ITSN2: variants seen among roughly 807,000 people sequenced by gnomAD.
ITSN2 encodes intersectin-2.
A neutral mutation model predicts 243.7 loss-of-function variants in ITSN2; 156 were observed. The ratio of observed to expected loss-of-function variants is 0.64; its 90% CI spans 0.56 to 0.73. The LOEUF (loss-of-function observed/expected upper bound fraction) is 0.73. ITSN2 is among the 30% of genes least tolerant of loss of function. The probability of loss-of-function intolerance (pLI) is 0.00; values close to 1 mark genes in which losing one functional copy is unlikely to be tolerated. For missense variants in ITSN2, 1,801 were observed against 1,996.1 expected (o/e 0.90, Z 1.86); for synonymous variants, 703 against 699.9 (o/e 1.00, Z -0.07).
chr2:24,358,201 A>AC (rs914915066), intron 1 of ITSN2, among the ~76,000 whole-genome samples: 1 of 152,168 alleles, frequency 6.6e-6, no homozygotes, highest in Admixed American at 6.6e-5. Context: ...GAGCCAGGGC[A>AC]CCCGGCACAT....
chr2:24,331,004 T>A (rs899777084), intron 1 of ITSN2, among the ~76,000 whole-genome samples: 1 of 151,510 alleles, frequency 6.6e-6, no homozygotes, highest in African/African-American at 2.4e-5. Context: ...TGACCTCAGG[T>A]GATCCACCTG....
chr2:24,270,688 A>C lies in ITSN2; in HGVS notation c.2338T>G (p.Ser780Ala). The C allele has an allele frequency of 6.3e-7, 1 of 1,578,426 alleles. No homozygotes were observed. Among genetic ancestry groups the C allele is most frequent in the Non-Finnish European group, 8.7e-7 (1 of 1,150,372 alleles). Residue 780 changes from serine to alanine, a missense_variant, in exon 20 of 40, where the codon TCT (serine) becomes GCT (alanine). Ser to Ala is a moderately conservative substitution (Grantham distance 99). Coordinates refer to ENST00000355123, the MANE Select transcript of ITSN2 (RefSeq NM_006277.3). The stretch of plus-strand genomic sequence containing the variant: ...TTTCCTACCTGAATTATATCTCCAG[A>C]ATTAAAACTCATCTCATCATGGTTC... ...ARNHDEMSFN[S>A]GDIIQVDEKT...
Position 24,313,452 on chromosome 2 carries a change from C to T in ITSN2, c.188+8G>A. On this transcript the variant is annotated splice_region_variant and intron_variant, in intron 4 of 39. Coordinates refer to ENST00000355123, the MANE Select transcript of ITSN2 (RefSeq NM_006277.3). ...CAGAAAATTAGGTTCATCTACAAAA[C>T]ACTTTACCATATTTCAGCTAAAACA... is the stretch of plus-strand genomic sequence containing the variant. 1.2e-6 allele frequency: 2 copies of T among 1,607,374 alleles called. No individual in the cohort carries two copies. The highest frequency in any genetic ancestry group is 1.7e-6 in the Non-Finnish European group (2 of 1,176,676).
intron 37 of ITSN2, 27 bp downstream of exon 37, chr2:24,208,210 C>T (rs1383262936): frequency 7.5e-6 from 12 of 1,593,322 alleles, no homozygotes; most frequent in Admixed American, 6.7e-5. Flanking sequence ...CTGGGGGCTG[C>T]GTCCCACCCT....
intron 7 of ITSN2, among the ~76,000 whole-genome samples, chr2:24,310,048 AT>A (rs1683060380): frequency 6.6e-6 from 1 of 152,176 alleles, no homozygotes; most frequent in South Asian, 2.1e-4. Context: ...AAAATATAGA[AT>A]ATTTTTAGTT....
At chr2:24,360,026 C>T (rs946361215) in intron 1 of ITSN2, among the ~76,000 whole-genome samples, 1 of 152,046 alleles carries the variant, frequency 6.6e-6, no homozygotes, top group Admixed American at 6.5e-5. Flanking sequence ...GCCAGGGACC[C>T]GGGCTCGGCC....
chr2:24,339,128 T>C (rs1287625988), intron 1 of ITSN2, among the ~76,000 whole-genome samples: 1 of 152,002 alleles, frequency 6.6e-6, no homozygotes, highest in Non-Finnish European at 1.5e-5. Flanking sequence ...CCAAAACCAC[T>C]CCTACTCGTA....
chr2:24,299,162 C>A (rs1461192059), intron 12 of ITSN2, among the ~76,000 whole-genome samples: 1 of 151,828 alleles, frequency 6.6e-6, no homozygotes. Flanking sequence ...CACCAAGTAG[C>A]TGGGATTACA....
intron 15 of ITSN2, among the ~76,000 whole-genome samples, chr2:24,292,154 G>A (rs6545390): frequency 0.98 from 148,974 of 152,338 alleles, 72,839 homozygotes; most frequent in East Asian, 0.99. Flanking sequence ...GGGATACAGG[G>A]TACTTTTCAA....
At chr2:24,264,997 C>A (rs1356518549) in intron 20 of ITSN2, among the ~76,000 whole-genome samples, 1 of 151,948 alleles carries the variant, frequency 6.6e-6, no homozygotes, top group Non-Finnish European at 1.5e-5. Context: ...TGCTTTGCTG[C>A]CCGGGTTGAT....
Position 24,286,338 on chromosome 2 carries a change from A to G in ITSN2, c.1737T>C (p.Ser579=), listed in dbSNP as rs760460574. The part of the protein sequence containing the change: ...QFSNTPDSGV[S]LLHKKSLEKE... ...TTTCTAATGATTTTTTATGAAGTAA[A>G]CTGACCCCTGAATCTGAAAAACAAA... Residue 579 remains serine (S), a synonymous_variant, in exon 16 of 40, where the codon AGT becomes AGC. Transcript: ENST00000355123. The G allele has an allele frequency of 1.2e-6, 2 of 1,611,990 alleles. No homozygotes were observed. The highest frequency in any genetic ancestry group is 1.7e-6 in the Non-Finnish European group (2 of 1,178,654).
chr2:24,260,977 A>C (rs1356314827), intron 22 of ITSN2, 129 bp downstream of exon 22: 1 of 729,640 alleles, frequency 1.4e-6, no homozygotes, highest in African/African-American at 1.8e-5. Context: ...TCACATGTGA[A>C]TAAGAAAGAA....
intron 9 of ITSN2, among the ~76,000 whole-genome samples, 161 bp downstream of exon 9, chr2:24,303,638 G>C (rs1254370402): frequency 7.2e-5 from 11 of 152,204 alleles, no homozygotes; most frequent in Non-Finnish European, 1.6e-4. Flanking sequence ...AATTACATTT[G>C]CCTCCAAGCT....
chr2:24,269,779 T>C (rs1269864019), intron 20 of ITSN2, among the ~76,000 whole-genome samples: 1 of 152,220 alleles, frequency 6.6e-6, no homozygotes, highest in Admixed American at 6.5e-5. Context: ...AGTAAACTCT[T>C]GACCAAACAC....
intron 2 of ITSN2, among the ~76,000 whole-genome samples, chr2:24,325,723 T>A (rs1198614394): frequency 2.0e-5 from 3 of 152,292 alleles, no homozygotes; most frequent in Admixed American, 6.5e-5. Context: ...TCTATCCGCT[T>A]CCCCTAACTC....
intron 29 of ITSN2, among the ~76,000 whole-genome samples, chr2:24,224,461 A>G (rs1460849505): frequency 6.6e-6 from 1 of 152,220 alleles, no homozygotes; most frequent in Admixed American, 6.5e-5. Flanking sequence ...ATTAAAAACC[A>G]CAAGTATTGG....
Position 24,211,715 on chromosome 2 carries a change from A to G in ITSN2, c.4090-768T>C, listed in dbSNP as rs144685072. Among the ~76,000 whole-genome samples, 8 of 152,276 alleles carry G rather than the reference A, an allele frequency of 5.3e-5. No homozygotes were observed. The highest frequency in any genetic ancestry group is 1.9e-4 in the African/African-American group (8 of 41,540). ...TGACCTAAACAGAAGAGATATATTT[A>G]CTTACTCTTACAGTGATTGTTCTTA... On this transcript the variant is annotated intron_variant, in intron 33 of 39. Transcript: ENST00000355123. This position sits in a 1 kb window ranked among gnomAD's most constrained non-coding sequence, Gnocchi z 4.1.
At chr2:24,330,296 A>G in intron 1 of ITSN2, 1 of 391,270 alleles carries the variant, frequency 2.6e-6, no homozygotes, top group Non-Finnish European at 4.9e-6. Flanking sequence ...CCAAATAGAG[A>G]GCAACGTGAA....
At chr2:24,308,779 T>A in intron 7 of ITSN2, 23 bp from the exon 8 acceptor site, 1 of 1,227,480 alleles carries the variant, frequency 8.1e-7, no homozygotes, top group Non-Finnish European at 1.1e-6. Flanking sequence ...TTATTTAAAA[T>A]TTTTATGTTA....
Sources: gnomAD v4.1 joint callset for allele counts (sites outside exome capture counted in the v4.1 genomes callset) on GRCh38, gnomAD v4.1.1 for gene constraint, Gnocchi (gnomAD v3.1) non-coding constraint, MANE v1.5 for transcripts, NCBI Gene and HGNC (gene_info 2026-07-23, HGNC 2026-07-21) for gene names.